Variants in GOLM1 observed in about 807,000 individuals in gnomAD.
GOLM1 encodes golgi membrane protein 1, also known as epididymis luminal protein 46.
Under a neutral mutation model 50.5 loss-of-function variants are expected in GOLM1, and 31 were observed. That is an observed-to-expected ratio of 0.61 (90% CI 0.46 to 0.83). The LOEUF (loss-of-function observed/expected upper bound fraction) is 0.83. GOLM1 is among the 40% of genes least tolerant of loss of function. The pLI is 0.00. For missense variants in GOLM1, 491 were observed against 501.3 expected (o/e 0.98, Z 0.20); for synonymous variants, 178 against 192.8 (o/e 0.92, Z 0.64).
At chr9:86,064,263 A>C (rs1834243347) in intron 3 of GOLM1, among the ~76,000 whole-genome samples, 1 of 152,268 alleles carries the variant, frequency 6.6e-6, no homozygotes, top group Non-Finnish European at 1.5e-5. Flanking sequence ...AAACTGGAGA[A>C]TTTCCAATCT....
At chr9:86,074,582 G>T (rs79774466) in intron 3 of GOLM1, among the ~76,000 whole-genome samples, 153 of 152,294 alleles carry the variant, frequency 1.0e-3, no homozygotes, top group East Asian at 0.01. Context: ...CAGTGTGCAG[G>T]GGTGGAGGCT....
At chr9:86,073,003 T>C (rs897478041) in intron 3 of GOLM1, among the ~76,000 whole-genome samples, 4 of 152,224 alleles carry the variant, frequency 2.6e-5, no homozygotes, top group South Asian at 2.1e-4. Context: ...GGGTCCATAA[T>C]TGACCAAAAC....
At chr9:86,094,520 T>C (rs774893579) in intron 1 of GOLM1, among the ~76,000 whole-genome samples, 6 of 152,200 alleles carry the variant, frequency 3.9e-5, no homozygotes, top group Admixed American at 6.5e-5. Flanking sequence ...TTAAAATGAA[T>C]GTATAGTGGT....
intron 3 of GOLM1, among the ~76,000 whole-genome samples, chr9:86,055,374 A>G (rs961471294): frequency 6.6e-6 from 1 of 152,148 alleles, no homozygotes; most frequent in African/African-American, 2.4e-5. Context: ...CTACTCTTGG[A>G]AACAGCTCGC....
At chr9:86,033,912 C>T (rs908472771) in intron 8 of GOLM1, among the ~76,000 whole-genome samples, 8 of 151,518 alleles carry the variant, frequency 5.3e-5, no homozygotes, top group South Asian at 2.1e-4. Context: ...GAGACCTACT[C>T]AAAGGGTTTA....
At chr9:86,086,315 G>GT (rs200568454) in intron 1 of GOLM1, among the ~76,000 whole-genome samples, 150 of 151,144 alleles carry the variant, frequency 9.9e-4, no homozygotes, top group Middle Eastern at 3.5e-3. Flanking sequence ...TTTTTGATGG[G>GT]TTTTTTTTTC....
At position 86,035,651 on chromosome 9, in the gene GOLM1, G is replaced by A. The variant is rs372012927; in HGVS notation, c.758-26C>T. ...CTGTGCACAGAACACAGTTAGCTGTGACCTTGCCAGCATTTGATTTAAAAA... is the reference window on the plus strand; with the variant it reads ...CTGTGCACAGAACACAGTTAGCTGTAACCTTGCCAGCATTTGATTTAAAAA... On this transcript the variant is annotated intron_variant, in intron 7 of 9. Coordinates refer to ENST00000388712, the MANE Select transcript of GOLM1 (RefSeq NM_016548.4). 93 of 1,347,282 alleles carry A rather than the reference G, an allele frequency of 6.9e-5. 2 individuals are homozygous for A. The African/African-American group carries it at 1.1e-3, about 17-fold the overall frequency. 83.5% of individuals were successfully genotyped at this position (1,347,282 alleles called of 1,614,324 possible).
chr9:86,037,438 CAAAAAAAAA>C (rs112398885), intron 6 of GOLM1, among the ~76,000 whole-genome samples: 1 of 59,210 alleles, frequency 1.7e-5, no homozygotes, highest in Admixed American at 1.9e-4. Flanking sequence ...GACTGTCTCT[CAAAAAAAAA>C]AAAAAAAAAA....
At chr9:86,047,108 G>A (rs1833572503) in intron 4 of GOLM1, among the ~76,000 whole-genome samples, 1 of 141,682 alleles carries the variant, frequency 7.1e-6, no homozygotes, top group Non-Finnish European at 1.5e-5. Context: ...AAGGCCCTGT[G>A]CCCATTTAAT....
chr9:86,034,966 CTT>C (rs1833088192), intron 8 of GOLM1: 1 of 868,972 alleles, frequency 1.2e-6, no homozygotes, highest in African/African-American at 1.8e-5. Context: ...CCCAATATTC[CTT>C]CCTTCCTTCC....
rs762917650 is a variant in GOLM1, at chr9:86,027,916, A to G, written c.1130-23T>C. 5 of 1,393,148 alleles carry G rather than the reference A, an allele frequency of 3.6e-6. No individual in the cohort carries two copies. In the South Asian group the frequency reaches 4.7e-5, roughly 13 times the overall value. 86.3% of individuals were successfully genotyped at this position (1,393,148 alleles called of 1,614,324 possible). A position where few individuals can be genotyped will look rare whatever the true frequency, so the allele number is the denominator to read the frequency against. On this transcript the variant is annotated intron_variant, in intron 9 of 9. Coordinates refer to ENST00000388712, the MANE Select transcript of GOLM1 (RefSeq NM_016548.4). The stretch of plus-strand genomic sequence containing the variant: ...AAACTAAAAAGGAAAAACACATAAT[A>G]TTCTATAGAGTATTAAATGAGATAC...
intron 5 of GOLM1, among the ~76,000 whole-genome samples, chr9:86,045,149 T>C (rs909697781): frequency 2.8e-4 from 42 of 151,982 alleles, no homozygotes; most frequent in Admixed American, 1.3e-4. Flanking sequence ...GGCAGGCAGA[T>C]CATGAGGTCA....
At chr9:86,073,963 T>C (rs1834530958) in intron 3 of GOLM1, among the ~76,000 whole-genome samples, 1 of 152,114 alleles carries the variant, frequency 6.6e-6, no homozygotes, top group Admixed American at 6.6e-5. Flanking sequence ...GTTCACATTT[T>C]CCCTGATGAC....
At chr9:86,085,797 GC>G (rs1834942174) in intron 1 of GOLM1, among the ~76,000 whole-genome samples, 1 of 152,106 alleles carries the variant, frequency 6.6e-6, no homozygotes, top group South Asian at 2.1e-4. Context: ...CGTGTCCCTG[GC>G]AAAGGACATG....
chr9:86,095,410 C>CTTTTTTTTTTTTTTTTTTTTTTT lies in GOLM1; in HGVS notation c.-22+4000_-22+4001insAAAAAAAAAAAAAAAAAAAAAAA, dbSNP rs529708521. On this transcript the variant is annotated intron_variant, in intron 1 of 9. Transcript: ENST00000388712. Reference sequence around the variant, plus strand: ...CGCCCAGCTAATTTTTGTATTTTCCCTTTTTTTTTTTTTTTAAAATAGAGA... The same window carrying CTTTTTTTTTTTTTTTTTTTTTTT: ...CGCCCAGCTAATTTTTGTATTTTCCCTTTTTTTTTTTTTTTTTTTTTTTTTTTTTTTTTTTTTTAAAATAGAGA... Among the ~76,000 whole-genome samples, 4 of 130,804 alleles carry CTTTTTTTTTTTTTTTTTTTTTTT rather than the reference C, an allele frequency of 3.1e-5. No homozygotes were observed. The East Asian group carries it at 1.0e-3, about 34-fold the overall frequency. 85.8% of individuals were successfully genotyped at this position (130,804 alleles called of 152,430 possible).
chr9:86,057,977 T>C (rs533678362), intron 3 of GOLM1, among the ~76,000 whole-genome samples: 1 of 152,360 alleles, frequency 6.6e-6, no homozygotes, highest in African/African-American at 2.4e-5. Context: ...CTAATCCAAG[T>C]CAACCCTCTG....
At chr9:86,085,459 T>G (rs1424509799) in intron 1 of GOLM1, among the ~76,000 whole-genome samples, 3 of 151,082 alleles carry the variant, frequency 2.0e-5, no homozygotes, top group Non-Finnish European at 4.4e-5. Flanking sequence ...TTTTGTTTTT[T>G]TTTTTTTTTT....
intron 1 of GOLM1, among the ~76,000 whole-genome samples, chr9:86,095,742 C>G (rs1563971387): frequency 6.6e-6 from 1 of 152,152 alleles, no homozygotes; most frequent in Non-Finnish European, 1.5e-5. Flanking sequence ...TTGCAGTGTT[C>G]CCCAACTCGC....
chr9:86,090,081 A>G (rs919382150), intron 1 of GOLM1, among the ~76,000 whole-genome samples: 1 of 152,118 alleles, frequency 6.6e-6, no homozygotes, highest in African/African-American at 2.4e-5. Context: ...GAGGCATCAG[A>G]AAAGCAAAGA....
Sources: gnomAD v4.1 joint callset for allele counts (sites outside exome capture counted in the v4.1 genomes callset) on GRCh38, gnomAD v4.1.1 for gene constraint, MANE v1.5 for transcripts, NCBI Gene and HGNC (gene_info 2026-07-23, HGNC 2026-07-21) for gene names.